Variants in RBFOX1 observed in about 807,000 individuals in gnomAD.
The protein encoded by RBFOX1 is RNA binding protein fox-1 homolog 1.
Under a neutral mutation model 57.7 loss-of-function variants are expected in RBFOX1, and 8 were observed. That is an observed-to-expected ratio of 0.14 (90% confidence interval 0.08 to 0.25). RBFOX1 has a LOEUF of 0.25. Ranked by LOEUF, RBFOX1 falls within the 10% of genes least tolerant of loss-of-function variation. The pLI is 1.00. For missense variants in RBFOX1, 611 were observed against 548.5 expected (o/e 1.11, Z -1.14); for synonymous variants, 326 against 222.4 (o/e 1.47, Z -4.15).
chr16:5,339,881 G>C (rs566528570), intron 1 of RBFOX1, among the ~76,000 whole-genome samples: 1 of 152,168 alleles, frequency 6.6e-6, no homozygotes, highest in South Asian at 2.1e-4. Context: ...TAGAATCCAG[G>C]TTGGCTGCAG....
intron 2 of RBFOX1, among the ~76,000 whole-genome samples, chr16:5,490,890 G>A (rs143631159): frequency 6.6e-6 from 1 of 152,250 alleles, no homozygotes; most frequent in East Asian, 1.9e-4. Flanking sequence ...GTCCTGGGAG[G>A]TGCGTCATTG....
At chr16:6,032,115 GT>G (rs572207731) in intron 1 of RBFOX1, among the ~76,000 whole-genome samples, 1 of 151,924 alleles carries the variant, frequency 6.6e-6, no homozygotes, top group Admixed American at 6.6e-5. Context: ...TAAAGGTTCT[GT>G]TTTTAGACAT....
intron 1 of RBFOX1, among the ~76,000 whole-genome samples, chr16:6,192,962 G>T (rs941457474): frequency 1.3e-5 from 2 of 152,140 alleles, no homozygotes; most frequent in African/African-American, 4.8e-5. Context: ...CCAACTCAGT[G>T]TGTTGGAACT....
At chr16:7,175,174 C>G (rs771055627) in intron 4 of RBFOX1, among the ~76,000 whole-genome samples, 6 of 151,964 alleles carry the variant, frequency 3.9e-5, no homozygotes, top group Non-Finnish European at 7.4e-5. Context: ...TGCATTAGCT[C>G]TTTTTCCTAA....
intron 2 of RBFOX1, among the ~76,000 whole-genome samples, chr16:6,631,035 C>G (rs1002979370): frequency 6.6e-6 from 1 of 151,980 alleles, no homozygotes; most frequent in Admixed American, 6.6e-5. Context: ...TGGAAATAAG[C>G]AAGACATGAT....
chr16:7,195,481 C>G (rs1393142646), intron 4 of RBFOX1, among the ~76,000 whole-genome samples: 2 of 152,130 alleles, frequency 1.3e-5, no homozygotes, highest in Non-Finnish European at 2.9e-5. Flanking sequence ...AACAACTGAC[C>G]CAACAGCACA....
At chr16:7,488,736 C>T (rs1567458199) in intron 4 of RBFOX1, among the ~76,000 whole-genome samples, 1 of 152,006 alleles carries the variant, frequency 6.6e-6, no homozygotes, top group Admixed American at 6.5e-5. Context: ...CTATTATCCA[C>T]CTATCTACTA....
At chr16:5,997,948 A>T (rs2060519469) in intron 4 of RBFOX1, among the ~76,000 whole-genome samples, 1 of 152,198 alleles carries the variant, frequency 6.6e-6, no homozygotes, top group South Asian at 2.1e-4. Context: ...TGAACAATAT[A>T]AAAATGTGGC....
At chr16:7,188,926 C>T (rs771946156) in intron 4 of RBFOX1, among the ~76,000 whole-genome samples, 7 of 152,156 alleles carry the variant, frequency 4.6e-5, no homozygotes, top group Non-Finnish European at 8.8e-5. Context: ...AGTTCTTTGA[C>T]ACCATGAAGA....
intron 3 of RBFOX1, among the ~76,000 whole-genome samples, chr16:6,661,819 C>G (rs1185971323): frequency 6.6e-6 from 1 of 152,156 alleles, no homozygotes. Flanking sequence ...GGCGGGATGC[C>G]TGGATTATTT....
intron 4 of RBFOX1, among the ~76,000 whole-genome samples, chr16:5,872,758 A>G (rs930099759): frequency 6.6e-6 from 1 of 152,134 alleles, no homozygotes; most frequent in Non-Finnish European, 1.5e-5. Context: ...AAAAAGAAAG[A>G]AAATAATACA....
chr16:5,839,550 A>G (rs1464372895), intron 3 of RBFOX1, among the ~76,000 whole-genome samples: 2 of 152,170 alleles, frequency 1.3e-5, no homozygotes, highest in East Asian at 1.9e-4. Context: ...AACTGCAAAC[A>G]ACATACCTGG....
intron 2 of RBFOX1, among the ~76,000 whole-genome samples, chr16:6,649,552 T>G (rs1022532526): frequency 1.3e-5 from 2 of 152,186 alleles, no homozygotes; most frequent in South Asian, 4.1e-4. Context: ...AAGTCCACTG[T>G]ACCATTCTTA....
At chr16:6,807,777 C>A (rs2087231875) in intron 3 of RBFOX1, among the ~76,000 whole-genome samples, 1 of 151,930 alleles carries the variant, frequency 6.6e-6, no homozygotes, top group African/African-American at 2.4e-5. Context: ...GATTGTGTCA[C>A]TGTACTCCAG....
intron 14 of RBFOX1, among the ~76,000 whole-genome samples, chr16:7,682,199 C>T (rs909361822): frequency 1.3e-5 from 2 of 152,104 alleles, no homozygotes; most frequent in African/African-American, 4.8e-5. Context: ...TCTTCCTTGG[C>T]AAAGTAAACA....
chr16:6,705,446 A>G (rs1214996107), intron 3 of RBFOX1: 1 of 152,182 alleles, frequency 6.6e-6, no homozygotes, highest in Non-Finnish European at 1.5e-5. Flanking sequence ...GGGTTACTGT[A>G]CACATAGATC....
chr16:7,080,922 C>T (rs1017486909), intron 4 of RBFOX1, among the ~76,000 whole-genome samples: 3 of 152,218 alleles, frequency 2.0e-5, no homozygotes, highest in African/African-American at 7.2e-5. Context: ...TTTCTCATTG[C>T]TTGTGGAGCA....
At chr16:7,446,769 C>G (rs1184708998) in intron 4 of RBFOX1, among the ~76,000 whole-genome samples, 6 of 142,316 alleles carry the variant, frequency 4.2e-5, no homozygotes, top group Admixed American at 3.6e-4. Context: ...TCACGTTTTC[C>G]TATTTCTCAA....
chr16:7,669,838 G>A (rs1413855978), intron 13 of RBFOX1, among the ~76,000 whole-genome samples: 1 of 152,126 alleles, frequency 6.6e-6, no homozygotes, highest in Non-Finnish European at 1.5e-5. Context: ...TTCAGTGTGA[G>A]GTGGCTGAGG....
Sources: gnomAD v4.1 joint callset for allele counts (sites outside exome capture counted in the v4.1 genomes callset) on GRCh38, gnomAD v4.1.1 for gene constraint, MANE v1.5 for transcripts, NCBI Gene and HGNC (gene_info 2026-07-23, HGNC 2026-07-21) for gene names.